The following SYNE1 variants were observed in gnomAD, a reference collection of about 807,000 sequenced individuals.
SYNE1 encodes spectrin repeat containing nuclear envelope protein 1, also known as nesprin-1.
SYNE1 carries 616 observed loss-of-function variants against 1,111.0 expected under a neutral mutation model. That is an observed-to-expected ratio of 0.55 (90% CI 0.52 to 0.59). SYNE1 has a LOEUF of 0.59. Ranked by LOEUF, SYNE1 falls within the 20% of genes least tolerant of loss-of-function variation. The probability of loss-of-function intolerance (pLI) is 0.00; values close to 1 mark genes in which losing one functional copy is unlikely to be tolerated. For missense variants in SYNE1, 10,006 were observed against 10,417.0 expected (o/e 0.96, Z 1.72); for synonymous variants, 3,855 against 3,825.8 (o/e 1.01, Z -0.28).
chr6:152,290,976 T>C (rs981268960), intron 95 of SYNE1, among the ~76,000 whole-genome samples: 2 of 151,496 alleles, frequency 1.3e-5, no homozygotes, highest in African/African-American at 4.8e-5. Flanking sequence ...ATGAAATATG[T>C]GATGATACAT....
chr6:152,393,121 C>T (rs1407889373), intron 51 of SYNE1, among the ~76,000 whole-genome samples: 7 of 152,132 alleles, frequency 4.6e-5, no homozygotes, highest in Non-Finnish European at 7.4e-5. Flanking sequence ...GAATATCAGA[C>T]TGAAACTGCA....
rs750553130 is a variant in SYNE1, at chr6:152,330,423, G to A, written c.14262C>T (p.His4754=). ...TCAGCCTGTGATATAAGGTGACAAG[G>A]TGCAGCATCTTGTCTGGCTGCCAAG... ...GQPWQPDKML[H]LVTLYHRLKR... The change falls in exon 78 of 146, where the codon CAC becomes CAT. Residue 4754 remains histidine, a synonymous_variant. Transcript: ENST00000367255. 2.5e-6 allele frequency: 4 copies of A among 1,613,986 alleles called. No individual in the cohort carries two copies. The highest frequency in any genetic ancestry group is 3.4e-6 in the Non-Finnish European group (4 of 1,180,046).
At chr6:152,519,030 TA>T (rs1416815473) in intron 6 of SYNE1, among the ~76,000 whole-genome samples, 4 of 151,870 alleles carry the variant, frequency 2.6e-5, no homozygotes, top group African/African-American at 9.7e-5. Flanking sequence ...GAGATATACC[TA>T]ATGCTAAATG....
intron 3 of SYNE1, among the ~76,000 whole-genome samples, chr6:152,597,259 C>G (rs1428224430): frequency 6.6e-6 from 1 of 152,062 alleles, no homozygotes; most frequent in African/African-American, 2.4e-5. Context: ...CTACCTAAAG[C>G]ACTTTCCTGT....
Position 152,326,438 on chromosome 6 carries a change from C to T in SYNE1, c.15151G>A (p.Glu5051Lys), listed in dbSNP as rs759911626. The change falls in exon 79 of 146, where the codon GAG becomes AAG. Residue 5051 changes from glutamate (E) to lysine (K), a missense_variant. By Grantham distance (56) the Glu-to-Lys change is moderately conservative (BLOSUM62 1). Coordinates refer to ENST00000367255, the MANE Select transcript of SYNE1 (RefSeq NM_182961.4). Reference sequence around the variant, plus strand: ...AGGGTGGCTACCAGGCTGTGGAGCTCCTCCAGGTTACTATGGAACTGATCC... The same window carrying T: ...AGGGTGGCTACCAGGCTGTGGAGCTTCTCCAGGTTACTATGGAACTGATCC... ...TEDQFHSNLEELHSLVATLDP... is the reference protein window; with the variant it reads ...TEDQFHSNLEKLHSLVATLDP... The T allele has an allele frequency of 2.5e-6, 4 of 1,614,154 alleles. No individual in the cohort carries two copies. Among genetic ancestry groups the T allele is most frequent in the African/African-American group, 1.3e-5 (1 of 75,034 alleles).
intron 144 of SYNE1, 119 bp downstream of exon 144, chr6:152,132,003 G>T: frequency 1.2e-6 from 1 of 862,636 alleles, no homozygotes; most frequent in Non-Finnish European, 1.9e-6. Flanking sequence ...GCGCTACCCT[G>T]TGTGACAGCC....
At chr6:152,486,200 AAAAAAATATT>A (rs2098939001) in intron 12 of SYNE1, among the ~76,000 whole-genome samples, 1 of 140,130 alleles carries the variant, frequency 7.1e-6, no homozygotes, top group Admixed American at 7.2e-5. Context: ...ACTCTGACTA[AAAAAAATATT>A]AAAAAAAACA....
intron 127 of SYNE1, among the ~76,000 whole-genome samples, chr6:152,192,613 A>G (rs1213325484): frequency 1.3e-5 from 2 of 152,124 alleles, no homozygotes; most frequent in East Asian, 3.9e-4. Context: ...CTGGGACTAC[A>G]GGAGCACATC....
intron 8 of SYNE1, 80 bp downstream of exon 8, chr6:152,510,113 G>C: frequency 7.3e-7 from 1 of 1,369,992 alleles, no homozygotes. Context: ...TTCACATTTC[G>C]CAATCATTAG....
At chr6:152,167,804 T>G (rs1349421220) in intron 130 of SYNE1, 1 of 596,314 alleles carries the variant, frequency 1.7e-6, no homozygotes, top group Non-Finnish European at 3.3e-6. Context: ...ATCGCTTTCC[T>G]GTGTCTCAGC....
At chr6:152,428,155 C>T (rs2154198385) in intron 37 of SYNE1, 50 bp downstream of exon 37, 1 of 1,606,150 alleles carries the variant, frequency 6.2e-7, no homozygotes, top group Non-Finnish European at 8.5e-7. Context: ...ACTGCTAATC[C>T]AGAATTTCCT....
chr6:152,348,912 A>C (rs1215618771), intron 72 of SYNE1, among the ~76,000 whole-genome samples: 6 of 152,248 alleles, frequency 3.9e-5, no homozygotes, highest in Admixed American at 2.6e-4. Flanking sequence ...GCTCAGTTGA[A>C]AAGAACCACT....
At chr6:152,256,263 A>T (rs989393703) in intron 102 of SYNE1, among the ~76,000 whole-genome samples, 1 of 150,534 alleles carries the variant, frequency 6.6e-6, no homozygotes, top group Non-Finnish European at 1.5e-5. Context: ...CACTAAAAAT[A>T]AAAAAAATAA....
intron 12 of SYNE1, among the ~76,000 whole-genome samples, chr6:152,485,672 T>C (rs1423993649): frequency 6.6e-6 from 1 of 152,144 alleles, no homozygotes; most frequent in Non-Finnish European, 1.5e-5. Flanking sequence ...AATTAACCCA[T>C]CCTAAAATAT....
chr6:152,411,727 A>C (rs59472066), intron 42 of SYNE1, among the ~76,000 whole-genome samples: 74,631 of 149,220 alleles, frequency 0.5, 19,924 homozygotes, highest in East Asian at 0.74. Flanking sequence ...ACACACACAC[A>C]CCCCCACACA....
chr6:152,207,745 T>G (rs958525598), intron 125 of SYNE1, among the ~76,000 whole-genome samples: 9 of 152,230 alleles, frequency 5.9e-5, no homozygotes, highest in Non-Finnish European at 8.8e-5. Flanking sequence ...CAGGCCATAG[T>G]GTGTGAAGTG....
intron 66 of SYNE1, among the ~76,000 whole-genome samples, chr6:152,357,063 A>C (rs1055142310): frequency 6.6e-6 from 1 of 152,254 alleles, no homozygotes; most frequent in Admixed American, 6.5e-5. Context: ...CTTTGGAGGC[A>C]GGATGGATGA....
At chr6:152,537,461 A>G (rs1594909639) in intron 4 of SYNE1, among the ~76,000 whole-genome samples, 1 of 152,062 alleles carries the variant, frequency 6.6e-6, no homozygotes, top group African/African-American at 2.4e-5. Flanking sequence ...TAATTAACAA[A>G]TGTAAAAAAG....
intron 145 of SYNE1, chr6:152,126,225 T>G (rs1437682463): frequency 6.6e-6 from 1 of 152,132 alleles, no homozygotes; most frequent in Non-Finnish European, 1.5e-5. Flanking sequence ...ATCCGAACTA[T>G]CCACTGGGAA....
Sources: gnomAD v4.1 joint callset for allele counts (sites outside exome capture counted in the v4.1 genomes callset) on GRCh38, gnomAD v4.1.1 for gene constraint, MANE v1.5 for transcripts, NCBI Gene and HGNC (gene_info 2026-07-23, HGNC 2026-07-21) for gene names.